The following RPGRIP1L variants were observed in gnomAD, a reference collection of about 807,000 sequenced individuals.
RPGRIP1L encodes the protein protein fantom.
A neutral mutation model predicts 160.4 loss-of-function variants in RPGRIP1L; 131 were observed. The ratio of observed to expected loss-of-function variants is 0.82; its 90% CI spans 0.71 to 0.94. The LOEUF (loss-of-function observed/expected upper bound fraction) is 0.94. Among genes scored for constraint, RPGRIP1L ranks in the 40% least tolerant of loss-of-function variants. The pLI is 0.00. For missense variants in RPGRIP1L, 1,522 were observed against 1,535.8 expected (o/e 0.99, Z 0.15); for synonymous variants, 510 against 515.8 (o/e 0.99, Z 0.15).
At chr16:53,673,591 GTTT>G (rs927738631) in intron 7 of RPGRIP1L, among the ~76,000 whole-genome samples, 5 of 151,222 alleles carry the variant, frequency 3.3e-5, no homozygotes, top group Admixed American at 2.0e-4. Flanking sequence ...ATGTCACATA[GTTT>G]TTTTTTAAAA....
chr16:53,623,112 ATGT>A (rs750893379), intron 22 of RPGRIP1L, among the ~76,000 whole-genome samples: 7 of 152,196 alleles, frequency 4.6e-5, no homozygotes, highest in Non-Finnish European at 8.8e-5. Context: ...GAAAAATAAG[ATGT>A]TGTTTCTTTT....
At chr16:53,612,101 T>C (rs74396005) in intron 24 of RPGRIP1L, among the ~76,000 whole-genome samples, 7,442 of 152,280 alleles carry the variant, frequency 0.049, 283 homozygotes, top group Non-Finnish European at 0.075. Context: ...AAATATTAAC[T>C]GAGGGCCAAA....
intron 10 of RPGRIP1L, among the ~76,000 whole-genome samples, chr16:53,663,960 A>T (rs1968027104): frequency 1.3e-5 from 2 of 152,224 alleles, no homozygotes; most frequent in Admixed American, 1.3e-4. Context: ...TCTAAATAAA[A>T]ACATAAGAAT....
chr16:53,638,435 A>C, intron 19 of RPGRIP1L, 24 bp from the exon 20 acceptor site: 1 of 1,209,194 alleles, frequency 8.3e-7, no homozygotes. Context: ...GAAAACACGC[A>C]TGTATGTCAT....
chr16:53,604,787 T>C (rs1963569707), intron 26 of RPGRIP1L, among the ~76,000 whole-genome samples: 1 of 152,196 alleles, frequency 6.6e-6, no homozygotes, highest in Non-Finnish European at 1.5e-5. Context: ...TGCTTAAGGT[T>C]AAGTACCTTA....
Position 53,665,023 on chromosome 16 carries a change from G to A in RPGRIP1L, c.1104-14C>T, listed in dbSNP as rs763897513. ...GCACTGAAGGCACTGCAAAACACACGTGACATGCAAGGAAAGCTTGGAAAT... is the reference window on the plus strand; with the variant it reads ...GCACTGAAGGCACTGCAAAACACACATGACATGCAAGGAAAGCTTGGAAAT... On this transcript the variant is annotated splice_polypyrimidine_tract_variant and intron_variant, in intron 9 of 26. Coordinates refer to ENST00000647211, the MANE Select transcript of RPGRIP1L (RefSeq NM_015272.5). 9.9e-6 allele frequency: 16 copies of A among 1,613,278 alleles called. No individual in the cohort carries two copies. The Admixed American group carries it at 1.0e-4, about 10-fold the overall frequency.
intron 22 of RPGRIP1L, among the ~76,000 whole-genome samples, chr16:53,625,176 C>T (rs1017410680): frequency 1.3e-5 from 2 of 152,222 alleles, no homozygotes; most frequent in African/African-American, 4.8e-5. Context: ...AGCCTCTGCC[C>T]GGCCGCCACC....
rs770785256 is a variant in RPGRIP1L, at chr16:53,619,033, T to C, written c.3608A>G (p.Tyr1203Cys). 4.3e-6 allele frequency: 7 copies of C among 1,611,550 alleles called. No homozygotes were observed. In the African/African-American group the frequency reaches 8.0e-5, roughly 18 times the overall value. Residue 1203 changes from tyrosine to cysteine, a missense_variant, in exon 24 of 27, where the codon TAT becomes TGT. Transcript: ENST00000647211. ...PKSGQWVYYN[Y>C]SNVIYVDKEN... Reference sequence around the variant, plus strand: ...AAATGAATCATACATACCATTGCTATAGTTATAGTAGACCCACTGCCCACT... The same window carrying C: ...AAATGAATCATACATACCATTGCTACAGTTATAGTAGACCCACTGCCCACT...
intron 16 of RPGRIP1L, among the ~76,000 whole-genome samples, chr16:53,648,622 GCGCGCA>G (rs1251591558): frequency 2.7e-4 from 28 of 102,214 alleles, no homozygotes; most frequent in East Asian, 1.8e-3. Context: ...GTGCGCGCGC[GCGCGCA>G]CACACACACA....
rs1176594826 is a variant in RPGRIP1L, at chr16:53,601,858, T to C, written c.*218A>G. 5.6e-6 allele frequency: 3 copies of C among 535,600 alleles called. No homozygotes were observed. Among genetic ancestry groups the C allele is most frequent in the Non-Finnish European group, 1.0e-5 (3 of 294,984 alleles). The allele number at this position is 535,600 out of a possible 1,614,324, so 33.2% of individuals were successfully genotyped here. A position where few individuals can be genotyped will look rare whatever the true frequency, so the allele number is the denominator to read the frequency against. On this transcript the variant is annotated 3_prime_UTR_variant, in exon 27 of 27. Transcript: ENST00000647211. ...GAAGGTACTGCCCATTATGGAGAAC[T>C]TAAGTCCTGAGGGGTGGCAGTTATG... is the stretch of plus-strand genomic sequence containing the variant.
rs1965927945 is a variant in RPGRIP1L, at chr16:53,637,738, A to C, written c.3177T>G (p.Ser1059=). The change falls in exon 21 of 27, where the codon TCT becomes TCG. Residue 1059 remains serine, a synonymous_variant. Coordinates refer to ENST00000647211, the MANE Select transcript of RPGRIP1L (RefSeq NM_015272.5). ...EGQLAEQSLA[S]SEDETEITED... is the part of the protein sequence containing the mutation. ...CTGTTATTTCTGTTTCATCTTCAGA[A>C]GATGCCAAGCTTTGTTCTGCAAGCT... 6.2e-7 allele frequency: 1 copy of C among 1,612,160 alleles called. No homozygotes were observed. Among genetic ancestry groups the C allele is most frequent in the Admixed American group, 1.7e-5 (1 of 59,982 alleles).
intron 17 of RPGRIP1L, among the ~76,000 whole-genome samples, chr16:53,643,142 T>C (rs947547114): frequency 1.3e-5 from 2 of 152,004 alleles, no homozygotes; most frequent in African/African-American, 4.8e-5. Context: ...ACCTTGTCTC[T>C]ACTAAAAATA....
intron 13 of RPGRIP1L, 144 bp from the exon 14 acceptor site, chr16:53,656,733 C>A (rs1967291278): frequency 4.5e-6 from 3 of 669,744 alleles, no homozygotes; most frequent in Admixed American, 4.9e-5. Flanking sequence ...GTAGCTTACA[C>A]TTTAGAAAAT....
At chr16:53,616,131 G>A (rs1373883712) in intron 24 of RPGRIP1L, among the ~76,000 whole-genome samples, 1 of 152,142 alleles carries the variant, frequency 6.6e-6, no homozygotes, top group Non-Finnish European at 1.5e-5. Flanking sequence ...ACAGGAGACA[G>A]CATGTACTAA....
At chr16:53,653,129 A>G (rs1489516398) in intron 14 of RPGRIP1L, 142 bp from the exon 15 acceptor site, 2 of 878,012 alleles carry the variant, frequency 2.3e-6, no homozygotes, top group Admixed American at 5.6e-5. Context: ...TTCTGTAAAT[A>G]ATACTTTATC....
chr16:53,626,826 AT>A (rs1555593925), intron 22 of RPGRIP1L, among the ~76,000 whole-genome samples: 43 of 149,702 alleles, frequency 2.9e-4, no homozygotes, highest in Non-Finnish European at 3.1e-4. Flanking sequence ...AAAAAAAAAA[AT>A]TTTTTTTGTG....
chr16:53,670,006 G>A (rs114390588), intron 9 of RPGRIP1L, among the ~76,000 whole-genome samples: 47 of 152,120 alleles, frequency 3.1e-4, no homozygotes, highest in African/African-American at 1.1e-3. Flanking sequence ...TCTCTAATAG[G>A]GTACTGTGCA....
At chr16:53,670,468 C>A (rs1015636133) in intron 9 of RPGRIP1L, among the ~76,000 whole-genome samples, 14 of 151,594 alleles carry the variant, frequency 9.2e-5, no homozygotes, top group Admixed American at 2.6e-4. Flanking sequence ...ACTAAAAAGA[C>A]TTAAAATTAC....
intron 22 of RPGRIP1L, chr16:53,635,610 G>A (rs146652779): frequency 6.6e-6 from 1 of 152,288 alleles, no homozygotes; most frequent in East Asian, 1.9e-4. Context: ...CAGGTGTGAA[G>A]CACTGTGCCT....
Sources: gnomAD v4.1 joint callset for allele counts (sites outside exome capture counted in the v4.1 genomes callset) on GRCh38, gnomAD v4.1.1 for gene constraint, MANE v1.5 for transcripts, NCBI Gene and HGNC (gene_info 2026-07-23, HGNC 2026-07-21) for gene names.